Variants in DHX37 observed in about 807,000 individuals in gnomAD.
The protein encoded by DHX37 is DEAH-box helicase 37.
In DHX37, 52 loss-of-function variants were observed where a neutral mutation model predicts 134.3. The ratio of observed to expected loss-of-function variants is 0.39; its 90% CI spans 0.31 to 0.49. The LOEUF (loss-of-function observed/expected upper bound fraction) is 0.49. Ranked by LOEUF, DHX37 falls within the 20% of genes least tolerant of loss-of-function variation. The pLI, the probability that DHX37 is intolerant of heterozygous loss-of-function variation, is 0.93. For missense variants in DHX37, 1,344 were observed against 1,580.8 expected (o/e 0.85, Z 2.54); for synonymous variants, 634 against 670.7 (o/e 0.95, Z 0.85).
chr12:124,980,658 A>C lies in DHX37; in HGVS notation c.570T>G (p.Ala190=). ...DEDPAAEPAE[A]GVGTTVAPLP... ...GAGGTGCCACGGTGGTCCCCACACC[A>C]GCCTCAGCCGGCTCAGCAGCTGGGT... Residue 190 remains alanine, a synonymous_variant, in exon 4 of 27, where the codon GCT becomes GCG. Transcript: ENST00000308736. The surrounding 1 kb of genome is among the most constrained non-coding windows in gnomAD (Gnocchi z 5.3). The C allele has an allele frequency of 6.2e-7, 1 of 1,603,014 alleles. No individual in the cohort carries two copies. Among genetic ancestry groups the C allele is most frequent in the Non-Finnish European group, 8.5e-7 (1 of 1,176,840 alleles).
At chr12:124,981,237 G>C (rs1270887658) in intron 3 of DHX37, among the ~76,000 whole-genome samples, 1 of 149,152 alleles carries the variant, frequency 6.7e-6, no homozygotes, top group Non-Finnish European at 1.5e-5. Flanking sequence ...GGGCCTAGCA[G>C]AGAGCCTGGG....
At chr12:124,968,748 A>AC in intron 9 of DHX37, 100 bp from the exon 10 acceptor site, 1 of 1,598,804 alleles carries the variant, frequency 6.3e-7, no homozygotes, top group Non-Finnish European at 8.5e-7. Flanking sequence ...GGTTTCTAAC[A>AC]CCCCCTCCAA....
At chr12:124,948,472 C>T (rs935960422) in intron 25 of DHX37, 5 of 508,224 alleles carry the variant, frequency 9.8e-6, no homozygotes, top group South Asian at 2.5e-5. Flanking sequence ...ACTGGCTGAG[C>T]GTGGTGGCTC....
rs1324116184 is a variant in DHX37, at chr12:124,950,130, G to C, written c.3216+19C>G. On this transcript the variant is annotated intron_variant, in intron 24 of 26. Coordinates refer to ENST00000308736, the MANE Select transcript of DHX37 (RefSeq NM_032656.4). Reference sequence around the variant, plus strand: ...CCACGGTACCCGAGATGAGGGTCTGGAGCCGCTGTGCCACCTACCTGCCCT... The same window carrying C: ...CCACGGTACCCGAGATGAGGGTCTGCAGCCGCTGTGCCACCTACCTGCCCT... The C allele has an allele frequency of 1.9e-6, 3 of 1,613,926 alleles. No homozygotes were observed. The South Asian group carries it at 3.3e-5, about 18-fold the overall frequency.
At chr12:124,963,389 G>A (rs895624467) in intron 15 of DHX37, among the ~76,000 whole-genome samples, 3 of 152,126 alleles carry the variant, frequency 2.0e-5, no homozygotes, top group East Asian at 1.9e-4. Flanking sequence ...GTGGTCACGG[G>A]GTTTCTTTTT....
At chr12:124,968,673 G>T (rs1166848341) in intron 9 of DHX37, 25 bp from the exon 10 acceptor site, 2 of 1,612,760 alleles carry the variant, frequency 1.2e-6, no homozygotes, top group African/African-American at 1.3e-5. Flanking sequence ...GGAAGGCATG[G>T]GGAGTGGGGG....
At position 124,977,213 on chromosome 12, in the gene DHX37, C is replaced by T. The variant is rs1357597847; in HGVS notation, c.887+129G>A. 7.6e-6 allele frequency: 9 copies of T among 1,189,092 alleles called. No homozygotes were observed. In the East Asian group the frequency reaches 2.2e-4, roughly 29 times the overall value. The allele number at this position is 1,189,092 out of a possible 1,614,324, so 73.7% of individuals were successfully genotyped here. On this transcript the variant is annotated intron_variant, in intron 5 of 26. Transcript: ENST00000308736. Reference sequence around the variant, plus strand: ...GGCCCAGAGAGGTTAAGTAGCTTGTCTGAAGTCACACAGCATGCACAGGGC... The same window carrying T: ...GGCCCAGAGAGGTTAAGTAGCTTGTTTGAAGTCACACAGCATGCACAGGGC...
chr12:124,982,484 G>T (rs1954778425), intron 3 of DHX37, 27 bp downstream of exon 3: 2 of 1,611,470 alleles, frequency 1.2e-6, no homozygotes, highest in Non-Finnish European at 1.7e-6. Flanking sequence ...AGGGAGGGCA[G>T]GGTTAGCAAA....
intron 18 of DHX37, among the ~76,000 whole-genome samples, chr12:124,955,440 G>A (rs141926689): frequency 6.6e-6 from 1 of 152,216 alleles, no homozygotes. Flanking sequence ...GGATTCTGAC[G>A]AATAGCTGGG....
intron 15 of DHX37, among the ~76,000 whole-genome samples, chr12:124,961,192 A>ACG (rs1227923716): frequency 5.1e-5 from 5 of 97,670 alleles, no homozygotes; most frequent in African/African-American, 1.2e-4. Context: ...GCGCACGCAC[A>ACG]CACACACATA....
At chr12:124,986,059 G>C in intron 2 of DHX37, 37 bp downstream of exon 2, 1 of 1,610,306 alleles carries the variant, frequency 6.2e-7, no homozygotes, top group Non-Finnish European at 8.5e-7. Flanking sequence ...CTCTATGCTG[G>C]AGAGCCACTT....
intron 20 of DHX37, 126 bp from the exon 21 acceptor site, chr12:124,952,696 C>T (rs1259522416): frequency 1.0e-6 from 1 of 974,660 alleles, no homozygotes; most frequent in Non-Finnish European, 1.4e-6. Context: ...CTCAACCCCT[C>T]CCCAGAGGCC....
Position 124,965,762 on chromosome 12 carries a change from T to A in DHX37, c.1641A>T (p.Glu547Asp), listed in dbSNP as rs1218983815. The A allele has an allele frequency of 1.2e-6, 2 of 1,613,574 alleles. No individual in the cohort carries two copies. Among genetic ancestry groups the A allele is most frequent in the Non-Finnish European group, 1.7e-6 (2 of 1,179,892 alleles). The change falls in exon 13 of 27, where the codon GAA becomes GAT. Residue 547 changes from glutamate (E) to aspartate (D), a missense_variant. By Grantham distance (45) the Glu-to-Asp change is conservative. Around this residue, in one of 7 missense-constraint regions of DHX37, gnomAD observed 289 missense variants for 323.8 expected, o/e 0.89. Coordinates refer to ENST00000308736, the MANE Select transcript of DHX37 (RefSeq NM_032656.4). ...CTTCTGCCTCCCTGTCCTCATCGCC[T>A]TCGCCTGCCGGTAACACCGAGTAAT... Reference protein sequence around the residue: ...LDHYSVLPAGEGDEDREAEVD... With the variant: ...LDHYSVLPAGDGDEDREAEVD...
In DHX37 at chr12:124,947,503, A is replaced by AC. The variant is rs1278645437; in HGVS notation, c.*298dup. 9 of 299,560 alleles carry AC rather than the reference A, an allele frequency of 3.0e-5. No homozygotes were observed. The highest frequency in any genetic ancestry group is 1.8e-5 in the Non-Finnish European group (3 of 162,612). The allele number at this position is 299,560 out of a possible 1,614,324, so 18.6% of individuals were successfully genotyped here. ...CAGAGATCTCCAGCCCTGCTGCTCCACAGGGGACTAATGTAGTCCAAAGAG... is the reference window on the plus strand; with the variant it reads ...CAGAGATCTCCAGCCCTGCTGCTCCACCAGGGGACTAATGTAGTCCAAAGAG... On this transcript the variant is annotated 3_prime_UTR_variant, in exon 27 of 27. Coordinates refer to ENST00000308736, the MANE Select transcript of DHX37 (RefSeq NM_032656.4).
rs150100852 is a variant in DHX37, at chr12:124,957,081, C to T, written c.2212G>A (p.Glu738Lys). The change falls in exon 17 of 27, where the codon GAG becomes AAG. Residue 738 changes from glutamate to lysine, a missense_variant. Around this residue, in one of 7 missense-constraint regions of DHX37, gnomAD observed 558 missense variants for 650.0 expected, o/e 0.86. Transcript: ENST00000308736. ...PPSVEALLAA[E>K]ELLIALGALQ... ...GCACCCAGTGCGATCAACAGCTCCT[C>T]GGCGGCAAGAAGGGCTTCCACGGAG... The T allele has an allele frequency of 5.3e-6, 8 of 1,497,616 alleles. No homozygotes were observed. The highest frequency in any genetic ancestry group is 1.8e-4 in the Middle Eastern group (1 of 5,560). The allele number at this position is 1,497,616 out of a possible 1,614,324, so 92.8% of individuals were successfully genotyped here.
Position 124,977,424 on chromosome 12 carries a change from G to T in DHX37, c.805C>A (p.Pro269Thr). 1 of 1,611,298 alleles carries T rather than the reference G, an allele frequency of 6.2e-7. No individual in the cohort carries two copies. The highest frequency in any genetic ancestry group is 1.1e-5 in the South Asian group (1 of 90,698). Residue 269 changes from proline (P) to threonine (T), a missense_variant, in exon 5 of 27, where the codon CCC becomes ACC. Pro to Thr is a conservative substitution (Grantham distance 38). Around this residue, in one of 7 missense-constraint regions of DHX37, gnomAD observed 77 missense variants for 121.6 expected, o/e 0.63. Transcript: ENST00000308736. ...GTCTCACCACACACGATGACGATGG[G>T]GTGCTCGGCCACAGCCTCCATGATT... is the stretch of plus-strand genomic sequence containing the variant. ...QVIMEAVAEHPIVIVCGETGS... is the reference protein window; with the variant it reads ...QVIMEAVAEHTIVIVCGETGS...
At chr12:124,983,420 C>CACACACACAT (rs756140743) in intron 2 of DHX37, among the ~76,000 whole-genome samples, 1 of 57,128 alleles carries the variant, frequency 1.8e-5, no homozygotes, top group Non-Finnish European at 3.4e-5. Context: ...GTGTGTATTA[C>CACACACACAT]ACACACACAC....
At position 124,948,095 on chromosome 12, in the gene DHX37, T is replaced by C. The variant is rs141129413; in HGVS notation, c.3377A>G (p.Lys1126Arg). The C allele has an allele frequency of 3.3e-5, 54 of 1,614,128 alleles. No individual in the cohort carries two copies. Among genetic ancestry groups the C allele is most frequent in the Non-Finnish European group, 4.3e-5 (51 of 1,180,046 alleles). The change falls in exon 26 of 27, where the codon AAA becomes AGA. Residue 1126 changes from lysine (K) to arginine (R), a missense_variant. Transcript: ENST00000308736. ...CTGGTCAAACTCACATTTGGGGTTT[T>C]TCTTCCAAGCAGCCAGCAAGGCTTC... ...CHEALLAAWKKNPKYLLAEYC... is the reference protein window; with the variant it reads ...CHEALLAAWKRNPKYLLAEYC...
intron 1 of DHX37, among the ~76,000 whole-genome samples, chr12:124,987,987 CTTTTTTTTT>C (rs11349687): frequency 2.4e-4 from 19 of 79,686 alleles, no homozygotes; most frequent in Admixed American, 7.5e-4. Flanking sequence ...GTCTGTGGAA[CTTTTTTTTT>C]TTTTTTTTTT....
Sources: allele counts gnomAD v4.1 joint callset (sites outside exome capture counted in the v4.1 genomes callset), GRCh38; gene constraint gnomAD v4.1.1; regional missense constraint gnomAD v4.1.1; non-coding constraint Gnocchi (gnomAD v3.1); transcripts MANE v1.5; gene names NCBI Gene and HGNC (gene_info 2026-07-23, HGNC 2026-07-21).